Variants in DNAH5 observed in about 807,000 individuals in gnomAD.
DNAH5 encodes dynein axonemal heavy chain 5.
A neutral mutation model predicts 518.2 loss-of-function variants in DNAH5; 372 were observed. That is an observed-to-expected ratio of 0.72 (90% CI 0.66 to 0.78). The LOEUF is 0.78. Among genes scored for constraint, DNAH5 ranks in the 30% least tolerant of loss-of-function variants. The probability of loss-of-function intolerance (pLI) is 0.00; values close to 1 mark genes in which losing one functional copy is unlikely to be tolerated. For missense variants in DNAH5, 5,523 were observed against 5,687.0 expected, an observed-to-expected ratio of 0.97 and a Z score of 0.93; for synonymous variants, 2,039 against 2,025.9, an observed-to-expected ratio of 1.01 and a Z score of -0.17.
At position 13,919,407 on chromosome 5, in the gene DNAH5, G is replaced by A. The variant is rs919657641; in HGVS notation, c.799-55C>T. ...ATTGCACGGGGCTGGAGACGCTAAAGTTATAAACAAGCAAAAAACAAATAA... is the reference window on the plus strand; with the variant it reads ...ATTGCACGGGGCTGGAGACGCTAAAATTATAAACAAGCAAAAAACAAATAA... On this transcript the variant is annotated intron_variant, in intron 6 of 78. Coordinates refer to ENST00000265104, the MANE Select transcript of DNAH5 (RefSeq NM_001369.3). 3.1e-6 allele frequency: 5 copies of A among 1,591,414 alleles called. No individual in the cohort carries two copies. The African/African-American group carries it at 5.4e-5, about 17-fold the overall frequency.
Position 13,907,461 on chromosome 5 carries a change from G to C in DNAH5, c.1644+3925C>G, listed in dbSNP as rs567263983. ...CCCCCCAAAAAAAGAACCTGGGGGA[G>C]AGAAGGGGGAATATGGTAATGATAT... On this transcript the variant is annotated intron_variant, in intron 12 of 78. Coordinates refer to ENST00000265104, the MANE Select transcript of DNAH5 (RefSeq NM_001369.3). Among the ~76,000 whole-genome samples the C allele has an allele frequency of 1.5e-4, 23 of 152,270 alleles. No individual in the cohort carries two copies. In the South Asian group the frequency reaches 3.9e-3, roughly 26 times the overall value.
At chr5:13,965,310 T>C (rs1313092209) in intron 1 of DNAH5, among the ~76,000 whole-genome samples, 2 of 152,176 alleles carry the variant, frequency 1.3e-5, no homozygotes, top group Non-Finnish European at 2.9e-5. Context: ...CTGGACATGA[T>C]TGATAAGCAC....
At chr5:13,884,913 T>C (rs1335809875) in intron 19 of DNAH5, 76 bp downstream of exon 19, 19 of 1,507,656 alleles carry the variant, frequency 1.3e-5, no homozygotes, top group Non-Finnish European at 1.7e-5. Flanking sequence ...CGTGCACACG[T>C]GCACACACAC....
At position 13,885,041 on chromosome 5, in the gene DNAH5, T is replaced by G. The variant is rs1469143674; in HGVS notation, c.2931A>C (p.Thr977=). ...MDALLKVTRN[T]LEAIRKRIHS... ...GAATACGTTTGCGAATGGCCTCTAG[T>G]GTATTCCTTGTAACTTTCAGAAGAG... is the stretch of plus-strand genomic sequence containing the variant. The change falls in exon 19 of 79, where the codon ACA becomes ACC. Residue 977 remains threonine, a synonymous_variant. Coordinates refer to ENST00000265104, the MANE Select transcript of DNAH5 (RefSeq NM_001369.3). 6.2e-7 allele frequency: 1 copy of G among 1,614,196 alleles called. No individual in the cohort carries two copies. The highest frequency in any genetic ancestry group is 1.1e-5 in the South Asian group (1 of 91,086).
At chr5:13,761,790 G>A (rs565018465) in intron 60 of DNAH5, among the ~76,000 whole-genome samples, 23 of 152,150 alleles carry the variant, frequency 1.5e-4, no homozygotes, top group Middle Eastern at 3.4e-3. Flanking sequence ...TGAAATTCTC[G>A]GACTCAAATG....
At chr5:13,842,054 A>AC (rs386403064) in intron 32 of DNAH5, 150 bp from the exon 33 acceptor site, 2 of 618,416 alleles carry the variant, frequency 3.2e-6, no homozygotes, top group Non-Finnish European at 5.6e-6. Flanking sequence ...AAACAATAAA[A>AC]AAAAAAGCCA....
At chr5:13,883,225 G>T in intron 19 of DNAH5, 131 bp from the exon 20 acceptor site, 1 of 1,033,056 alleles carries the variant, frequency 9.7e-7, no homozygotes, top group Non-Finnish European at 1.4e-6. Flanking sequence ...GAATGAATGA[G>T]TCAATTAAAA....
intron 52 of DNAH5, among the ~76,000 whole-genome samples, chr5:13,782,113 C>T (rs993765732): frequency 2.6e-5 from 4 of 152,130 alleles, no homozygotes; most frequent in African/African-American, 9.7e-5. Flanking sequence ...TCTTTCCCTC[C>T]TAACTGCATT....
chr5:13,945,506 C>T (rs551302623), upstream of DNAH5, among the ~76,000 whole-genome samples: 310 of 152,274 alleles, frequency 2.0e-3, 2 homozygotes, highest in African/African-American at 7.2e-3. Flanking sequence ...AGGGCACGGA[C>T]GGCCTCCATA....
intron 31 of DNAH5, among the ~76,000 whole-genome samples, chr5:13,850,320 T>C (rs763331914): frequency 6.6e-6 from 1 of 152,182 alleles, no homozygotes; most frequent in Non-Finnish European, 1.5e-5. Context: ...ATGAGTATAA[T>C]AAAATATGTT....
intron 1 of DNAH5, among the ~76,000 whole-genome samples, chr5:13,971,890 TTA>T (rs1364005463): frequency 2.0e-5 from 3 of 152,066 alleles, no homozygotes; most frequent in Admixed American, 6.6e-5. Flanking sequence ...TCCCAAGAGA[TTA>T]TGTCTTTTGT....
chr5:13,995,691 C>T (rs1783884562), intron 1 of DNAH5, among the ~76,000 whole-genome samples: 3 of 152,000 alleles, frequency 2.0e-5, no homozygotes, highest in Admixed American at 6.6e-5. Flanking sequence ...ATCAAATATA[C>T]AGATGATATG....
Position 13,735,948 on chromosome 5 carries a change from C to T in DNAH5, c.11456-16G>A, listed in dbSNP as rs1332543006. On this transcript the variant is annotated splice_polypyrimidine_tract_variant and intron_variant, in intron 66 of 78. Transcript: ENST00000265104. ...CGCGTAGCCACTGGAAGACAAAGAGCAAGGTTGCATGTGCTACGAGAGAGG... is the reference window on the plus strand; with the variant it reads ...CGCGTAGCCACTGGAAGACAAAGAGTAAGGTTGCATGTGCTACGAGAGAGG... 1.9e-6 allele frequency: 3 copies of T among 1,596,154 alleles called. No individual in the cohort carries two copies. Among genetic ancestry groups the T allele is most frequent in the East Asian group, 4.5e-5 (2 of 44,774 alleles).
At chr5:13,985,237 T>C (rs1419380874) in intron 1 of DNAH5, among the ~76,000 whole-genome samples, 5 of 134,082 alleles carry the variant, frequency 3.7e-5, no homozygotes, top group African/African-American at 1.4e-4. Flanking sequence ...ACGAGAACAC[T>C]TGGACACAGG....
chr5:13,862,248 C>A lies in DNAH5; in HGVS notation c.4796+300G>T, dbSNP rs113194153. 3.5e-3 allele frequency among the ~76,000 whole-genome samples: 535 copies of A among 152,132 alleles called. 4 individuals are homozygous for A. Among genetic ancestry groups the A allele is most frequent in the African/African-American group, 0.012 (514 of 41,494 alleles). The stretch of plus-strand genomic sequence containing the variant: ...TGTCCAGTGGATGGTCTCAGACATA[C>A]CCCACAAATAGAGGATAATGAAATA... On this transcript the variant is annotated intron_variant, in intron 29 of 78. Transcript: ENST00000265104.
At chr5:13,713,228 T>C (rs746456787) in intron 75 of DNAH5, among the ~76,000 whole-genome samples, 2 of 146,878 alleles carry the variant, frequency 1.4e-5, no homozygotes, top group Non-Finnish European at 3.0e-5. Context: ...TACCGACATA[T>C]ATATGTATAT....
chr5:13,871,295 A>T (rs1770067517), intron 23 of DNAH5, among the ~76,000 whole-genome samples: 1 of 152,210 alleles, frequency 6.6e-6, no homozygotes, highest in Non-Finnish European at 1.5e-5. Flanking sequence ...TATTAAACAA[A>T]GGGTAAATTT....
intron 60 of DNAH5, 56 bp downstream of exon 60, chr5:13,762,666 G>C: frequency 6.6e-7 from 1 of 1,521,990 alleles, no homozygotes; most frequent in Non-Finnish European, 9.1e-7. Context: ...GATAAGACGG[G>C]TCGACCTGGA....
chr5:13,785,843 C>A (rs749455981), intron 52 of DNAH5, among the ~76,000 whole-genome samples: 3 of 152,146 alleles, frequency 2.0e-5, no homozygotes, highest in Non-Finnish European at 4.4e-5. Flanking sequence ...ATAGGATATT[C>A]TTTGCATGAT....
Sources: allele counts gnomAD v4.1 joint callset (sites outside exome capture counted in the v4.1 genomes callset), GRCh38; gene constraint gnomAD v4.1.1; transcripts MANE v1.5; gene names NCBI Gene and HGNC (gene_info 2026-07-23, HGNC 2026-07-21).